Variants in AKAP6 observed in about 807,000 individuals in gnomAD.
AKAP6 encodes the protein A-kinase anchoring protein 6.
A neutral mutation model predicts 188.5 loss-of-function variants in AKAP6; 58 were observed. The observed-to-expected ratio is 0.31, with a 90% CI of 0.25 to 0.38. The LOEUF is 0.38. Ranked by LOEUF, AKAP6 falls within the 10% of genes least tolerant of loss-of-function variation. The pLI is 1.00. For synonymous variants in AKAP6, 989 were observed against 998.6 expected, an observed-to-expected ratio of 0.99 and a Z score of 0.18; for missense variants, 2,710 against 2,740.0, an observed-to-expected ratio of 0.99 and a Z score of 0.24.
chr14:32,621,289 T>C (rs1470727354), intron 7 of AKAP6, among the ~76,000 whole-genome samples: 1 of 152,050 alleles, frequency 6.6e-6, no homozygotes, highest in Non-Finnish European at 1.5e-5. Context: ...TGTGATCTTT[T>C]AGACTTTTTG....
chr14:32,789,367 A>G (rs2033535761), intron 12 of AKAP6, among the ~76,000 whole-genome samples: 1 of 152,222 alleles, frequency 6.6e-6, no homozygotes, highest in African/African-American at 2.4e-5. Context: ...CTGCTCTACC[A>G]AACAGCAGCC....
intron 3 of AKAP6, among the ~76,000 whole-genome samples, chr14:32,543,190 C>A (rs1280331712): frequency 1.3e-5 from 2 of 152,214 alleles, no homozygotes; most frequent in African/African-American, 4.8e-5. Context: ...CAGCCTCTAG[C>A]TATTCCCACC....
chr14:32,617,149 C>A (rs1886615166), intron 7 of AKAP6: 1 of 152,382 alleles, frequency 6.6e-6, no homozygotes, highest in African/African-American at 2.4e-5. Flanking sequence ...CTATAAAGTT[C>A]CTTTCTAGCC....
At chr14:32,379,384 CT>C (rs1888270395) in intron 1 of AKAP6, among the ~76,000 whole-genome samples, 1 of 152,142 alleles carries the variant, frequency 6.6e-6, no homozygotes, top group African/African-American at 2.4e-5. Flanking sequence ...TTCTCTGTTT[CT>C]ATTCTGCTGT....
At chr14:32,812,526 A>G (rs143387128) in intron 12 of AKAP6, among the ~76,000 whole-genome samples, 4 of 152,336 alleles carry the variant, frequency 2.6e-5, no homozygotes, top group African/African-American at 9.6e-5. Context: ...TCTCAGTGTA[A>G]TAAAAATTTC....
chr14:32,393,433 G>A (rs555897452), intron 1 of AKAP6, among the ~76,000 whole-genome samples: 193 of 152,214 alleles, frequency 1.3e-3, no homozygotes, highest in African/African-American at 4.2e-3. Context: ...CTAAGGAAGC[G>A]TGACAAATAA....
chr14:32,389,232 C>T (rs8020615), intron 1 of AKAP6, among the ~76,000 whole-genome samples: 30,075 of 151,910 alleles, frequency 0.2, 3,276 homozygotes, highest in East Asian at 0.47. Context: ...TTGTGCGAGT[C>T]CTTATGTGTT....
rs960522283 is a variant in AKAP6 at position 32,527,343 on chromosome 14, CTCCTTGGTTGCTTCCAAGTTTTGGCAA to C, written c.325-8190_325-8164del. Among the ~76,000 whole-genome samples, 205 of 152,118 alleles carry C rather than the reference CTCCTTGGTTGCTTCCAAGTTTTGGCAA, an allele frequency of 1.3e-3. 1 individual carries two copies. The highest frequency in any genetic ancestry group is 6.8e-3 in the Middle Eastern group (2 of 294). On this transcript the variant is annotated intron_variant, in intron 2 of 13. Coordinates refer to ENST00000280979, the MANE Select transcript of AKAP6 (RefSeq NM_004274.5). ...AAAGTTTATCCATTCACCTACTGAA[CTCCTTGGTTGCTTCCAAGTTTTGGCAA>C]TCCTTGGTTGCTTCCAAGTTGTGGC...
At chr14:32,490,152 C>CA (rs1879930948) in intron 2 of AKAP6, among the ~76,000 whole-genome samples, 1 of 75,338 alleles carries the variant, frequency 1.3e-5, no homozygotes, top group Admixed American at 1.4e-4. Context: ...TAGGATAGGG[C>CA]AGAACAAATC....
chr14:32,474,845 C>T (rs554262404), intron 2 of AKAP6, among the ~76,000 whole-genome samples: 1 of 152,218 alleles, frequency 6.6e-6, no homozygotes, highest in Admixed American at 6.5e-5. Flanking sequence ...TTGCTATTTG[C>T]TTTGGAGAAT....
intron 12 of AKAP6, among the ~76,000 whole-genome samples, chr14:32,811,935 GT>G (rs2034247468): frequency 6.6e-6 from 1 of 152,232 alleles, no homozygotes; most frequent in African/African-American, 2.4e-5. Context: ...AACTTCACTT[GT>G]TTACATGACT....
rs759412624 is a variant in AKAP6, at chr14:32,492,085, C to G, written c.325-43469C>G. ...CCACCCTTGCAAACTAAGCTCTTCT[C>G]TGTTATTCTCAGCCCCCTCAACAAA... On this transcript the variant is annotated intron_variant, in intron 2 of 13. Coordinates refer to ENST00000280979, the MANE Select transcript of AKAP6 (RefSeq NM_004274.5). Among the ~76,000 whole-genome samples the G allele has an allele frequency of 1.1e-4, 16 of 151,996 alleles. No individual in the cohort carries two copies. The South Asian group carries it at 1.9e-3, about 18-fold the overall frequency.
chr14:32,645,412 G>T (rs983149901), intron 7 of AKAP6, among the ~76,000 whole-genome samples: 103 of 152,086 alleles, frequency 6.8e-4, no homozygotes, highest in African/African-American at 2.3e-3. Context: ...TTTCATAACT[G>T]GGCTCCTCTT....
At chr14:32,351,836 A>G (rs1460104863) in intron 1 of AKAP6, among the ~76,000 whole-genome samples, 1 of 152,180 alleles carries the variant, frequency 6.6e-6, no homozygotes, top group East Asian at 1.9e-4. Context: ...TGGCTCAGAC[A>G]GGATAAGAAT....
At chr14:32,337,587 T>C (rs79760766) in intron 1 of AKAP6, among the ~76,000 whole-genome samples, 3 of 152,150 alleles carry the variant, frequency 2.0e-5, no homozygotes, top group South Asian at 2.1e-4. Context: ...TTATTATTAT[T>C]ATACTTTAAG....
In AKAP6 at chr14:32,728,387, TATCTATCA is replaced by T. The variant is rs1044457993; in HGVS notation, c.3001-4063_3001-4056del. Reference sequence around the variant, plus strand: ...CTATCTATCTATCTATCTATCTATCTATCTATCAATCGTATCTATCAGTCAATCATGCA... The same window carrying T: ...CTATCTATCTATCTATCTATCTATCTATCGTATCTATCAGTCAATCATGCA... On this transcript the variant is annotated intron_variant, in intron 9 of 13. Transcript: ENST00000280979. Among the ~76,000 whole-genome samples, 46 of 136,814 alleles carry T rather than the reference TATCTATCA, an allele frequency of 3.4e-4. No homozygotes were observed. The East Asian group carries it at 5.9e-3, about 18-fold the overall frequency. 89.8% of individuals were successfully genotyped at this position (136,814 alleles called of 152,430 possible). A position where few individuals can be genotyped will look rare whatever the true frequency, so the allele number is the denominator to read the frequency against.
At chr14:32,817,319 C>T (rs1242802963) in intron 12 of AKAP6, among the ~76,000 whole-genome samples, 1 of 152,118 alleles carries the variant, frequency 6.6e-6, no homozygotes, top group African/African-American at 2.4e-5. Flanking sequence ...TCATCATAAT[C>T]ATTTCTCCAC....
At chr14:32,811,008 G>T (rs1050813827) in intron 12 of AKAP6, among the ~76,000 whole-genome samples, 1 of 152,146 alleles carries the variant, frequency 6.6e-6, no homozygotes, top group African/African-American at 2.4e-5. Context: ...GGGAGGCTGA[G>T]GTGGGCAGAT....
Position 32,545,237 on chromosome 14 carries a change from T to C in AKAP6, c.584T>C (p.Leu195Pro). The C allele has an allele frequency of 6.2e-7, 1 of 1,611,740 alleles. No individual in the cohort carries two copies. Among genetic ancestry groups the C allele is most frequent in the Non-Finnish European group, 8.5e-7 (1 of 1,178,016 alleles). The change falls in exon 4 of 14, where the codon CTT (leucine) becomes CCT (proline). Residue 195 changes from leucine (L) to proline (P), a missense_variant. Around this residue, in one of 2 missense-constraint regions of AKAP6, gnomAD observed 237 missense variants for 313.9 expected, o/e 0.76. Coordinates refer to ENST00000280979, the MANE Select transcript of AKAP6 (RefSeq NM_004274.5). The part of the protein sequence containing the change: ...AFSEETKEGR[L>P]DSLTEVDDSG... ...TGCCATTGTCTGTTTCAGGGCCGGC[T>C]TGATTCTCTAACAGAAGTGGATGAC... is the stretch of plus-strand genomic sequence containing the variant.
Sources: gnomAD v4.1 joint callset for allele counts (sites outside exome capture counted in the v4.1 genomes callset) on GRCh38, gnomAD v4.1.1 for gene constraint, gnomAD v4.1.1 regional missense constraint, MANE v1.5 for transcripts, NCBI Gene and HGNC (gene_info 2026-07-23, HGNC 2026-07-21) for gene names.